Variants in FBXL7 observed in about 807,000 individuals in gnomAD.
FBXL7 encodes the protein F-box and leucine rich repeat protein 7.
In FBXL7, 12 loss-of-function variants were observed where a neutral mutation model predicts 38.3. The ratio of observed to expected loss-of-function variants is 0.31; its 90% CI spans 0.20 to 0.51. The LOEUF is 0.51. Ranked by LOEUF, FBXL7 falls within the 20% of genes least tolerant of loss-of-function variation. The pLI is 0.98. For missense variants in FBXL7, 567 were observed against 676.4 expected, an observed-to-expected ratio of 0.84 and a Z score of 1.79; for synonymous variants, 297 against 300.9, an observed-to-expected ratio of 0.99 and a Z score of 0.13.
chr5:15,581,427 G>A (rs1465401465), intron 1 of FBXL7, among the ~76,000 whole-genome samples: 3 of 152,030 alleles, frequency 2.0e-5, no homozygotes, highest in South Asian at 2.1e-4. Context: ...TGGTGCTGCC[G>A]CCATACAGTG....
intron 2 of FBXL7, among the ~76,000 whole-genome samples, chr5:15,793,744 G>C (rs1252138338): frequency 6.6e-6 from 1 of 152,158 alleles, no homozygotes; most frequent in Non-Finnish European, 1.5e-5. Context: ...ACAAATACTT[G>C]AGTGCCTCTT....
rs147711044 is a variant in FBXL7 at position 15,513,568 on chromosome 5, T to C, written c.37+12855T>C. Among the ~76,000 whole-genome samples, 13 of 152,336 alleles carry C rather than the reference T, an allele frequency of 8.5e-5. No homozygotes were observed. The East Asian group carries it at 2.5e-3, about 29-fold the overall frequency. ...CAGCTGTATGTTTTAGTTTGTTTCC[T>C]GCATGTGTGTTCAGATCAGATGGAT... On this transcript the variant is annotated intron_variant, in intron 1 of 3. Transcript: ENST00000504595.
At chr5:15,733,436 A>G (rs1316657590) in intron 2 of FBXL7, among the ~76,000 whole-genome samples, 2 of 152,242 alleles carry the variant, frequency 1.3e-5, no homozygotes, top group East Asian at 1.9e-4. Flanking sequence ...AAAATAGTGT[A>G]TTATAATAAT....
chr5:15,822,699 C>T (rs1738204950), intron 2 of FBXL7, among the ~76,000 whole-genome samples: 1 of 148,176 alleles, frequency 6.7e-6, no homozygotes, highest in Non-Finnish European at 1.5e-5. Flanking sequence ...TATGGCTTAG[C>T]AGGTACCATG....
chr5:15,579,880 A>C (rs1739081526), intron 1 of FBXL7, among the ~76,000 whole-genome samples: 1 of 152,172 alleles, frequency 6.6e-6, no homozygotes, highest in African/African-American at 2.4e-5. Context: ...GTCTCAGGGC[A>C]GCCAAGCTGC....
chr5:15,914,385 CAAAAAAA>C (rs57871930), intron 2 of FBXL7, among the ~76,000 whole-genome samples: 2 of 81,694 alleles, frequency 2.4e-5, no homozygotes, highest in African/African-American at 4.7e-5. Context: ...GACTCCCTCT[CAAAAAAA>C]AAAAAAAAAA....
At chr5:15,899,389 C>G (rs1741181519) in intron 2 of FBXL7, among the ~76,000 whole-genome samples, 1 of 152,188 alleles carries the variant, frequency 6.6e-6, no homozygotes, top group South Asian at 2.1e-4. Context: ...ATTTTTAACT[C>G]TTAACTTTAA....
rs1295812099 is a variant in FBXL7 at position 15,936,337 on chromosome 5, C to T, written c.740-113C>T. 7.6e-7 allele frequency: 1 copy of T among 1,307,870 alleles called. No homozygotes were observed. The highest frequency in any genetic ancestry group is 1.0e-6 in the Non-Finnish European group (1 of 968,632). 81.0% of individuals were successfully genotyped at this position (1,307,870 alleles called of 1,614,324 possible). ...TAGAGACCAAGACAGGAAAGGGTAA[C>T]ATCAGCCTCGGACCCAGACTTGGGC... is the stretch of plus-strand genomic sequence containing the variant. On this transcript the variant is annotated intron_variant, in intron 3 of 3. Transcript: ENST00000504595. This position sits in a 1 kb window ranked among gnomAD's most constrained non-coding sequence, Gnocchi z 6.0.
chr5:15,642,267 C>A (rs1441441655), intron 2 of FBXL7, among the ~76,000 whole-genome samples: 1 of 152,028 alleles, frequency 6.6e-6, no homozygotes, highest in Admixed American at 6.6e-5. Flanking sequence ...ATGTATTTTT[C>A]CAATGTTTTC....
chr5:15,669,444 A>G (rs1479645001), intron 2 of FBXL7, among the ~76,000 whole-genome samples: 3 of 152,184 alleles, frequency 2.0e-5, no homozygotes, highest in Non-Finnish European at 4.4e-5. Context: ...AGCGTGGCCA[A>G]TGATTGATCA....
chr5:15,891,545 G>C (rs1056221017), intron 2 of FBXL7, among the ~76,000 whole-genome samples: 1 of 152,204 alleles, frequency 6.6e-6, no homozygotes, highest in Non-Finnish European at 1.5e-5. Context: ...TGTCCTTTGA[G>C]CTTACAGTCT....
At chr5:15,506,541 A>G (rs965915052) in intron 1 of FBXL7, among the ~76,000 whole-genome samples, 1 of 152,218 alleles carries the variant, frequency 6.6e-6, no homozygotes, top group Admixed American at 6.5e-5. Context: ...TCAAGCTGCC[A>G]TAACAAAGTA....
At chr5:15,620,398 A>G (rs1350813226) in intron 2 of FBXL7, among the ~76,000 whole-genome samples, 3 of 139,578 alleles carry the variant, frequency 2.1e-5, no homozygotes, top group African/African-American at 8.5e-5. Context: ...ACGCCCAGCT[A>G]ATTTTTTGTT....
intron 2 of FBXL7, among the ~76,000 whole-genome samples, chr5:15,853,972 T>A (rs1739179177): frequency 6.6e-6 from 1 of 152,228 alleles, no homozygotes; most frequent in African/African-American, 2.4e-5. Flanking sequence ...GTGACAGCGA[T>A]GTAACAGATT....
chr5:15,710,398 C>T (rs1743824810), intron 2 of FBXL7, among the ~76,000 whole-genome samples: 1 of 152,166 alleles, frequency 6.6e-6, no homozygotes, highest in African/African-American at 2.4e-5. Flanking sequence ...GTGGAATGCT[C>T]TTTCCCTCAG....
At chr5:15,922,060 G>A (rs551912862) in intron 2 of FBXL7, among the ~76,000 whole-genome samples, 12 of 152,074 alleles carry the variant, frequency 7.9e-5, no homozygotes, top group South Asian at 6.2e-4. Flanking sequence ...CACAACAGCC[G>A]AGATACTGAA....
rs565838150 is a variant in FBXL7, at chr5:15,678,746, G to A, written c.127+62674G>A. Among the ~76,000 whole-genome samples the A allele has an allele frequency of 4.6e-5, 7 of 152,140 alleles. No homozygotes were observed. In the East Asian group the frequency reaches 5.8e-4, roughly 13 times the overall value. ...TAAGGGATTTCCCTTTTCTCTTGACGCTCTCATTCTCTCTTGTCTGCCGCC... is the reference window on the plus strand; with the variant it reads ...TAAGGGATTTCCCTTTTCTCTTGACACTCTCATTCTCTCTTGTCTGCCGCC... On this transcript the variant is annotated intron_variant, in intron 2 of 3. Coordinates refer to ENST00000504595, the MANE Select transcript of FBXL7 (RefSeq NM_012304.5).
At chr5:15,793,725 A>G (rs1341871655) in intron 2 of FBXL7, among the ~76,000 whole-genome samples, 1 of 152,144 alleles carries the variant, frequency 6.6e-6, no homozygotes, top group Non-Finnish European at 1.5e-5. Context: ...TAATTTGTTC[A>G]TTTATTCAAC....
intron 1 of FBXL7, among the ~76,000 whole-genome samples, chr5:15,567,129 T>G (rs1410705214): frequency 6.6e-6 from 1 of 152,170 alleles, no homozygotes; most frequent in Non-Finnish European, 1.5e-5. Context: ...CTCATCAGCA[T>G]CATTTGCTGG....
Sources: gnomAD v4.1 joint callset for allele counts (sites outside exome capture counted in the v4.1 genomes callset) on GRCh38, gnomAD v4.1.1 for gene constraint, Gnocchi (gnomAD v3.1) non-coding constraint, MANE v1.5 for transcripts, NCBI Gene and HGNC (gene_info 2026-07-23, HGNC 2026-07-21) for gene names.